The following MARCHF1 variants were observed in gnomAD, a reference collection of about 807,000 sequenced individuals.
MARCHF1 encodes membrane associated ring-CH-type finger 1.
A neutral mutation model predicts 54.2 loss-of-function variants in MARCHF1; 40 were observed. The observed-to-expected ratio is 0.74, with a 90% CI of 0.57 to 0.96. The LOEUF is 0.96. MARCHF1 is among the 40% of genes least tolerant of loss of function. The pLI is 0.00. For missense variants in MARCHF1, 586 were observed against 656.5 expected (o/e 0.89, Z 1.17); for synonymous variants, 236 against 236.3 (o/e 1.00, Z 0.01).
intron 3 of MARCHF1, among the ~76,000 whole-genome samples, chr4:163,978,272 A>G (rs143014078): frequency 2.8e-4 from 43 of 152,270 alleles, no homozygotes; most frequent in Non-Finnish European, 4.7e-4. Flanking sequence ...CAATCTATGG[A>G]GTCATGCAAC....
intron 1 of MARCHF1, among the ~76,000 whole-genome samples, chr4:164,381,934 A>T (rs921082321): frequency 1.3e-5 from 2 of 152,238 alleles, no homozygotes; most frequent in African/African-American, 4.8e-5. Flanking sequence ...TGTATCACAG[A>T]AGAAAACGTT....
At chr4:164,251,822 C>T (rs1330198861) in intron 1 of MARCHF1, among the ~76,000 whole-genome samples, 1 of 151,718 alleles carries the variant, frequency 6.6e-6, no homozygotes, top group Non-Finnish European at 1.5e-5. Context: ...AAACTAGAAA[C>T]AAAAAGGATA....
chr4:164,169,092 C>G (rs1216888628), intron 1 of MARCHF1, among the ~76,000 whole-genome samples: 1 of 151,744 alleles, frequency 6.6e-6, no homozygotes, highest in Non-Finnish European at 1.5e-5. Flanking sequence ...TTTTAGCTGC[C>G]CTTGTCACAA....
intron 4 of MARCHF1, among the ~76,000 whole-genome samples, chr4:163,755,984 T>G (rs555643538): frequency 1.8e-4 from 27 of 152,320 alleles, no homozygotes; most frequent in African/African-American, 5.3e-4. Context: ...TAATAAGCAG[T>G]GAAATATATT....
chr4:163,548,207 C>T (rs1342958070), intron 8 of MARCHF1, among the ~76,000 whole-genome samples: 4 of 151,998 alleles, frequency 2.6e-5, no homozygotes, highest in African/African-American at 9.7e-5. Flanking sequence ...AATAAATATT[C>T]CTTGAATTAC....
Position 164,127,025 on chromosome 4 carries a change from C to T in MARCHF1, c.-322-15363G>A, listed in dbSNP as rs1480959138. Among the ~76,000 whole-genome samples, 4 of 144,742 alleles carry T rather than the reference C, an allele frequency of 2.8e-5. No individual in the cohort carries two copies. In the Admixed American group the frequency reaches 2.8e-4, roughly 10 times the overall value. 95.0% of individuals were successfully genotyped at this position (144,742 alleles called of 152,430 possible). A position where few individuals can be genotyped will look rare whatever the true frequency, so the allele number is the denominator to read the frequency against. Reference sequence around the variant, plus strand: ...GCAGAGATTGTGCCATTGCACTCTACCCTGGGCGACAGAGTGAAACTCCGT... The same window carrying T: ...GCAGAGATTGTGCCATTGCACTCTATCCTGGGCGACAGAGTGAAACTCCGT... On this transcript the variant is annotated intron_variant, in intron 1 of 9. Transcript: ENST00000514618.
At chr4:164,189,093 T>G (rs1370728504) in intron 1 of MARCHF1, 10 of 681,618 alleles carry the variant, frequency 1.5e-5, no homozygotes, top group Non-Finnish European at 2.2e-5. Context: ...CCATTGACAA[T>G]GGTGTCTTCG....
chr4:164,040,741 A>G (rs1165527875), intron 2 of MARCHF1, among the ~76,000 whole-genome samples: 1 of 151,962 alleles, frequency 6.6e-6, no homozygotes, highest in East Asian at 1.9e-4. Context: ...ACACCAGCAA[A>G]TGTTTGTTGT....
At chr4:164,137,109 GC>G (rs1367949921) in intron 1 of MARCHF1, among the ~76,000 whole-genome samples, 1 of 152,114 alleles carries the variant, frequency 6.6e-6, no homozygotes, top group African/African-American at 2.4e-5. Context: ...AACATGCCAA[GC>G]TTTACCTTAG....
chr4:164,139,768 A>C (rs149405147), intron 1 of MARCHF1, among the ~76,000 whole-genome samples: 1,595 of 152,312 alleles, frequency 0.01, 35 homozygotes, highest in African/African-American at 0.037. Flanking sequence ...AATTTAAAGA[A>C]TGCTATATAA....
Position 164,188,487 on chromosome 4 carries a change from C to T in MARCHF1, c.-322-76825G>A, listed in dbSNP as rs559401492. 3 of 671,896 alleles carry T rather than the reference C, an allele frequency of 4.5e-6. No homozygotes were observed. The African/African-American group carries it at 5.3e-5, about 12-fold the overall frequency. The allele number at this position is 671,896 out of a possible 1,614,324, so 41.6% of individuals were successfully genotyped here. On this transcript the variant is annotated intron_variant, in intron 1 of 9. Coordinates refer to ENST00000514618, the MANE Select transcript of MARCHF1 (RefSeq NM_001394959.1). ...ACGGTGGTCTGCGTCGACCTGGGGA[C>T]CACCTACTGCTGCGTCTGTGTGTTC...
chr4:163,635,690 T>A (rs887640552), intron 5 of MARCHF1, among the ~76,000 whole-genome samples: 10 of 151,568 alleles, frequency 6.6e-5, no homozygotes, highest in Admixed American at 6.6e-4. Context: ...TACCATTCCT[T>A]CTGAAACTAT....
At chr4:163,917,152 C>G (rs1017938258) in intron 3 of MARCHF1, among the ~76,000 whole-genome samples, 1 of 152,122 alleles carries the variant, frequency 6.6e-6, no homozygotes, top group Non-Finnish European at 1.5e-5. Context: ...ACTTGGAGTT[C>G]TTCCATGACT....
At chr4:163,686,756 T>A (rs1318301183) in intron 5 of MARCHF1, among the ~76,000 whole-genome samples, 5 of 152,084 alleles carry the variant, frequency 3.3e-5, no homozygotes, top group Admixed American at 3.3e-4. Flanking sequence ...AGAAAAATGT[T>A]CTTTTAAACA....
chr4:164,305,914 G>T (rs1199107350), intron 1 of MARCHF1, among the ~76,000 whole-genome samples: 2 of 151,976 alleles, frequency 1.3e-5, no homozygotes, highest in Non-Finnish European at 2.9e-5. Context: ...AAAAATTAAA[G>T]GGAAAAGTCA....
chr4:163,983,628 T>C (rs1385337622), intron 3 of MARCHF1, among the ~76,000 whole-genome samples: 2 of 152,134 alleles, frequency 1.3e-5, no homozygotes, highest in African/African-American at 4.8e-5. Context: ...GACCTGGTAA[T>C]AGAAAGAGCA....
rs569166777 is a variant in MARCHF1, at chr4:164,144,286, C to T, written c.-322-32624G>A. Among the ~76,000 whole-genome samples, 14 of 151,682 alleles carry T rather than the reference C, an allele frequency of 9.2e-5. No individual in the cohort carries two copies. In the East Asian group the frequency reaches 2.7e-3, roughly 29 times the overall value. On this transcript the variant is annotated intron_variant, in intron 1 of 9. Coordinates refer to ENST00000514618, the MANE Select transcript of MARCHF1 (RefSeq NM_001394959.1). ...ATGAGACAGAAAGTCAACAAGGATA[C>T]CCAGGAATTGAACTCAGCTCTGCAC...
At chr4:164,120,589 A>C (rs1756046151) in intron 1 of MARCHF1, among the ~76,000 whole-genome samples, 1 of 152,182 alleles carries the variant, frequency 6.6e-6, no homozygotes, top group South Asian at 2.1e-4. Context: ...TTAAGTCACA[A>C]AATGAGTCAA....
chr4:164,305,891 T>A (rs1734683293), intron 1 of MARCHF1, among the ~76,000 whole-genome samples: 2 of 152,152 alleles, frequency 1.3e-5, no homozygotes, highest in South Asian at 4.1e-4. Flanking sequence ...TGTAAAATTA[T>A]TATATGTCAA....
Sources: gnomAD v4.1 joint callset for allele counts (sites outside exome capture counted in the v4.1 genomes callset) on GRCh38, gnomAD v4.1.1 for gene constraint, MANE v1.5 for transcripts, NCBI Gene and HGNC (gene_info 2026-07-23, HGNC 2026-07-21) for gene names.